Variants in ADAM12 observed in about 807,000 individuals in gnomAD.
The protein encoded by ADAM12 is disintegrin and metalloproteinase domain-containing protein 12.
In ADAM12, 70 loss-of-function variants were observed where a neutral mutation model predicts 106.4. The ratio of observed to expected loss-of-function variants is 0.66; its 90% CI spans 0.54 to 0.80. The LOEUF (loss-of-function observed/expected upper bound fraction) is 0.80. ADAM12 is among the 30% of genes least tolerant of loss of function. ADAM12 has a pLI of 0.00. For missense variants in ADAM12, 1,010 were observed against 1,171.9 expected, an observed-to-expected ratio of 0.86 and a Z score of 2.02; for synonymous variants, 420 against 433.5, an observed-to-expected ratio of 0.97 and a Z score of 0.39.
intron 18 of ADAM12, among the ~76,000 whole-genome samples, chr10:126,041,092 A>C (rs1590322314): frequency 1.3e-5 from 2 of 151,216 alleles, no homozygotes; most frequent in African/African-American, 2.4e-5. Flanking sequence ...CTTCCTGACA[A>C]CCCCCTGCCG....
chr10:126,364,148 T>TA (rs200564497), intron 1 of ADAM12, among the ~76,000 whole-genome samples: 6 of 151,392 alleles, frequency 4.0e-5, no homozygotes, highest in East Asian at 1.9e-4. Context: ...ACTTTTTTTT[T>TA]TAAAAAAATC....
In ADAM12 at chr10:126,014,978, T is replaced by TGAA. The variant is rs1953637645; in HGVS notation, c.*2300_*2301insTTC. On this transcript the variant is annotated 3_prime_UTR_variant, in exon 23 of 23. Coordinates refer to ENST00000448723, the MANE Select transcript of ADAM12 (RefSeq NM_001288973.2). ...TAAGTTATGTTAAAATGGAATTTGC[T>TGAA]GCTAAATATGCTTCACTTGATAAAT... The TGAA allele has an allele frequency of 6.6e-6, 1 of 152,242 alleles. No individual in the cohort carries two copies. The highest frequency in any genetic ancestry group is 6.5e-5 in the Admixed American group (1 of 15,288). 9.4% of individuals were successfully genotyped at this position (152,242 alleles called of 1,614,324 possible). A position where few individuals can be genotyped will look rare whatever the true frequency, so the allele number is the denominator to read the frequency against.
chr10:126,139,526 C>T lies in ADAM12; in HGVS notation c.340-3866G>A, dbSNP rs376928682. On this transcript the variant is annotated intron_variant, in intron 4 of 22. Transcript: ENST00000448723. ...TATCAATTGCAAACAATGAAAGTGC[C>T]GTGTGCTCCTTTTTGGATCCTTCAT... Among the ~76,000 whole-genome samples the T allele has an allele frequency of 4.6e-5, 7 of 152,206 alleles. No individual in the cohort carries two copies. In the East Asian group the frequency reaches 1.4e-3, roughly 29 times the overall value.
At chr10:126,383,765 G>A (rs1856566465) in intron 1 of ADAM12, among the ~76,000 whole-genome samples, 2 of 152,028 alleles carry the variant, frequency 1.3e-5, no homozygotes, top group Admixed American at 1.3e-4. Context: ...AGCAATCAAG[G>A]GTGGAATGAA....
intron 1 of ADAM12, among the ~76,000 whole-genome samples, chr10:126,370,920 G>A (rs1419852805): frequency 6.6e-6 from 1 of 152,110 alleles, no homozygotes; most frequent in Non-Finnish European, 1.5e-5. Context: ...TACCTCTAAG[G>A]GCCATAGGGA....
chr10:126,374,444 T>G (rs1039690165), intron 1 of ADAM12, among the ~76,000 whole-genome samples: 1 of 152,186 alleles, frequency 6.6e-6, no homozygotes, highest in African/African-American at 2.4e-5. Flanking sequence ...ATTAAAGACA[T>G]GTAAGAATAC....
chr10:126,312,152 AC>A (rs1437632594), intron 2 of ADAM12, among the ~76,000 whole-genome samples: 11 of 138,644 alleles, frequency 7.9e-5, no homozygotes, highest in African/African-American at 3.0e-4. Context: ...AAAAAAAAAA[AC>A]CCACGTTTGG....
At chr10:126,342,832 G>C (rs9422971) in intron 1 of ADAM12, among the ~76,000 whole-genome samples, 8,108 of 150,758 alleles carry the variant, frequency 0.054, 320 homozygotes, top group Middle Eastern at 0.099. Context: ...CAAGGGAGCA[G>C]TTTTTCTCCT....
intron 4 of ADAM12, among the ~76,000 whole-genome samples, chr10:126,143,157 C>T (rs752221717): frequency 1.3e-4 from 19 of 140,898 alleles, no homozygotes; most frequent in East Asian, 1.1e-3. Context: ...TATATATGCA[C>T]GTGTATATAT....
At chr10:126,033,627 C>T (rs1445943882) in intron 21 of ADAM12, among the ~76,000 whole-genome samples, 1 of 152,104 alleles carries the variant, frequency 6.6e-6, no homozygotes, top group Non-Finnish European at 1.5e-5. Flanking sequence ...TACTCCAGCT[C>T]AACACTTGAA....
chr10:126,195,252 C>T (rs1280944431), intron 3 of ADAM12, among the ~76,000 whole-genome samples: 1 of 152,146 alleles, frequency 6.6e-6, no homozygotes, highest in African/African-American at 2.4e-5. Flanking sequence ...TAAGTGTTCT[C>T]ACCACATACA....
At chr10:126,373,321 G>A (rs561552008) in intron 1 of ADAM12, among the ~76,000 whole-genome samples, 8 of 152,228 alleles carry the variant, frequency 5.3e-5, no homozygotes, top group South Asian at 2.1e-4. Flanking sequence ...TTTTGCCTCC[G>A]CCAGAGGGAG....
chr10:126,136,091 C>T lies in ADAM12; in HGVS notation c.340-431G>A, dbSNP rs575235959. ...GGCCTAAATCTGTGGCTTATGAAAA[C>T]GGGAAAGCAGATGAGAGGAAGTGGG... is the stretch of plus-strand genomic sequence containing the variant. On this transcript the variant is annotated intron_variant, in intron 4 of 22. Coordinates refer to ENST00000448723, the MANE Select transcript of ADAM12 (RefSeq NM_001288973.2). Among the ~76,000 whole-genome samples, 30 of 129,154 alleles carry T rather than the reference C, an allele frequency of 2.3e-4. 1 individual carries two copies. Among genetic ancestry groups the T allele is most frequent in the Admixed American group, 1.1e-3 (15 of 13,198 alleles). 84.7% of individuals were successfully genotyped at this position (129,154 alleles called of 152,430 possible). A position where few individuals can be genotyped will look rare whatever the true frequency, so the allele number is the denominator to read the frequency against.
At position 126,183,789 on chromosome 10, in the gene ADAM12, A is replaced by G. The variant is rs564626655; in HGVS notation, c.261-28484T>C. ...AGCCACAAAATGGGCACCCACTGAT[A>G]TGTCATGAATGGATGGAAAAGTGAG... On this transcript the variant is annotated intron_variant, in intron 3 of 22. Coordinates refer to ENST00000448723, the MANE Select transcript of ADAM12 (RefSeq NM_001288973.2). 3.3e-5 allele frequency among the ~76,000 whole-genome samples: 5 copies of G among 152,286 alleles called. No individual in the cohort carries two copies. In the South Asian group the frequency reaches 1.0e-3, roughly 32 times the overall value.
chr10:126,235,578 C>CTGTTGGAAAGGCAGCTATCTCAT (rs1182706766), intron 3 of ADAM12, among the ~76,000 whole-genome samples: 1 of 152,006 alleles, frequency 6.6e-6, no homozygotes, highest in Non-Finnish European at 1.5e-5. Context: ...AGCTATCTCA[C>CTGTTGGAAAGGCAGCTATCTCAT]GGGGCTGTTG....
At chr10:126,082,368 T>TTTTTG (rs1418389488) in intron 11 of ADAM12, among the ~76,000 whole-genome samples, 6 of 142,100 alleles carry the variant, frequency 4.2e-5, no homozygotes, top group Admixed American at 2.1e-4. Flanking sequence ...TGACTGTTTT[T>TTTTTG]TTTTTTTTTT....
intron 2 of ADAM12, among the ~76,000 whole-genome samples, chr10:126,300,977 G>A (rs1960597076): frequency 6.6e-6 from 1 of 152,182 alleles, no homozygotes; most frequent in African/African-American, 2.4e-5. Context: ...ACTTAAATAG[G>A]TTGGTTGAAA....
chr10:126,341,285 G>A (rs1464855406), intron 1 of ADAM12, among the ~76,000 whole-genome samples: 1 of 152,146 alleles, frequency 6.6e-6, no homozygotes. Context: ...ATAACAAGAG[G>A]TAGGGGCCTC....
intron 8 of ADAM12, among the ~76,000 whole-genome samples, chr10:126,106,820 G>A (rs976297504): frequency 2.0e-5 from 3 of 152,048 alleles, no homozygotes; most frequent in Non-Finnish European, 4.4e-5. Context: ...GCTCCTCTCA[G>A]CCCTATTTGT....
Sources: gnomAD v4.1 joint callset for allele counts (sites outside exome capture counted in the v4.1 genomes callset) on GRCh38, gnomAD v4.1.1 for gene constraint, MANE v1.5 for transcripts, NCBI Gene and HGNC (gene_info 2026-07-23, HGNC 2026-07-21) for gene names.